SPOCK3: variants seen among roughly 807,000 people sequenced by gnomAD.
SPOCK3 encodes the protein testican-3.
SPOCK3 carries 30 observed loss-of-function variants against 56.6 expected under a neutral mutation model. The observed-to-expected ratio is 0.53, with a 90% CI of 0.40 to 0.72. SPOCK3 has a LOEUF of 0.72. Among genes scored for constraint, SPOCK3 ranks in the 30% least tolerant of loss-of-function variants. SPOCK3 has a pLI of 0.00. For synonymous variants in SPOCK3, 196 were observed against 183.3 expected, an observed-to-expected ratio of 1.07 and a Z score of -0.56; for missense variants, 527 against 530.0, an observed-to-expected ratio of 0.99 and a Z score of 0.06.
At chr4:166,979,683 C>G (rs1392426082) in intron 4 of SPOCK3, among the ~76,000 whole-genome samples, 1 of 152,148 alleles carries the variant, frequency 6.6e-6, no homozygotes, top group South Asian at 2.1e-4. Flanking sequence ...TTTGTAGACT[C>G]TTCCTCAATG....
intron 6 of SPOCK3, among the ~76,000 whole-genome samples, chr4:166,853,152 A>G (rs561879136): frequency 5.9e-5 from 9 of 152,204 alleles, no homozygotes; most frequent in Non-Finnish European, 1.2e-4. Context: ...AATTGTATCC[A>G]TTTAGATATT....
intron 2 of SPOCK3, among the ~76,000 whole-genome samples, chr4:167,094,436 T>G (rs1758970210): frequency 6.6e-6 from 1 of 151,996 alleles, no homozygotes; most frequent in Non-Finnish European, 1.5e-5. Context: ...AAAATGAAAT[T>G]TATTCTGGGT....
chr4:167,093,876 C>A (rs558421079), intron 2 of SPOCK3, among the ~76,000 whole-genome samples: 1 of 152,158 alleles, frequency 6.6e-6, no homozygotes, highest in African/African-American at 2.4e-5. Flanking sequence ...AATATGCAAT[C>A]TTTGGTCTAT....
chr4:166,975,009 G>A lies in SPOCK3; in HGVS notation c.350+25340C>T, dbSNP rs116088665. 8.9e-3 allele frequency among the ~76,000 whole-genome samples: 1,353 copies of A among 152,172 alleles called. 21 individuals carry two copies. Among genetic ancestry groups the A allele is most frequent in the African/African-American group, 0.03 (1,265 of 41,510 alleles). On this transcript the variant is annotated intron_variant, in intron 4 of 10. Transcript: ENST00000357545. Reference sequence around the variant, plus strand: ...ATCATGGGTGTGGGTTAGTTATCATGAGAGTGGGTCTGAGAGTCGGTCTGT... The same window carrying A: ...ATCATGGGTGTGGGTTAGTTATCATAAGAGTGGGTCTGAGAGTCGGTCTGT...
intron 2 of SPOCK3, among the ~76,000 whole-genome samples, chr4:167,178,963 T>C (rs1054508212): frequency 6.6e-6 from 1 of 152,174 alleles, no homozygotes; most frequent in Non-Finnish European, 1.5e-5. Context: ...TTAAATTTGA[T>C]GAAAAACTTT....
At chr4:167,104,935 A>G (rs1759967080) in intron 2 of SPOCK3, among the ~76,000 whole-genome samples, 1 of 152,050 alleles carries the variant, frequency 6.6e-6, no homozygotes, top group African/African-American at 2.4e-5. Context: ...GAGCAGCATG[A>G]CATACTTAAA....
chr4:166,989,149 T>C (rs1024081256), intron 4 of SPOCK3, among the ~76,000 whole-genome samples: 11 of 152,102 alleles, frequency 7.2e-5, no homozygotes, highest in African/African-American at 2.7e-4. Flanking sequence ...CTGTGGGATT[T>C]CAAAGCCTCC....
chr4:167,134,336 G>C (rs1299704672), intron 2 of SPOCK3, among the ~76,000 whole-genome samples: 1 of 151,920 alleles, frequency 6.6e-6, no homozygotes, highest in Non-Finnish European at 1.5e-5. Context: ...CGTGGCGCTT[G>C]ATGACTTGTA....
chr4:167,028,653 T>C (rs1003516836), intron 3 of SPOCK3, among the ~76,000 whole-genome samples: 2 of 152,042 alleles, frequency 1.3e-5, no homozygotes, highest in Non-Finnish European at 2.9e-5. Flanking sequence ...CTTAGTCATA[T>C]GGCCATACTT....
intron 2 of SPOCK3, among the ~76,000 whole-genome samples, chr4:167,117,393 T>C (rs1179803144): frequency 1.3e-5 from 2 of 151,946 alleles, no homozygotes; most frequent in Admixed American, 6.6e-5. Context: ...CTAGGGGCCA[T>C]ATGAGGAAGC....
chr4:167,017,382 T>A (rs951495457), intron 3 of SPOCK3, among the ~76,000 whole-genome samples: 1 of 152,110 alleles, frequency 6.6e-6, no homozygotes, highest in Non-Finnish European at 1.5e-5. Flanking sequence ...CCTCAGTTCC[T>A]ACCCAGCATA....
intron 2 of SPOCK3, among the ~76,000 whole-genome samples, chr4:167,113,373 A>AT (rs35390223): frequency 0.18 from 26,735 of 144,870 alleles, 2,600 homozygotes; most frequent in Admixed American, 0.27. Flanking sequence ...TCTTCTTACA[A>AT]TTTTTTTTTT....
At chr4:167,116,730 C>T (rs1441150477) in intron 2 of SPOCK3, among the ~76,000 whole-genome samples, 1 of 130,108 alleles carries the variant, frequency 7.7e-6, no homozygotes, top group South Asian at 2.3e-4. Flanking sequence ...TGTATATATA[C>T]ACACATATAG....
chr4:167,087,857 T>C (rs1158863499), intron 2 of SPOCK3, among the ~76,000 whole-genome samples: 3 of 152,286 alleles, frequency 2.0e-5, no homozygotes, highest in East Asian at 3.9e-4. Context: ...AATAAAAGCC[T>C]TCTGCCTTTA....
intron 4 of SPOCK3, among the ~76,000 whole-genome samples, chr4:166,942,324 C>G (rs1442277018): frequency 2.6e-5 from 4 of 151,864 alleles, no homozygotes; most frequent in Non-Finnish European, 1.5e-5. Flanking sequence ...GATTTTCCAG[C>G]CTCAGCCTCC....
At chr4:167,154,315 T>C (rs1017396480) in intron 2 of SPOCK3, among the ~76,000 whole-genome samples, 2 of 152,006 alleles carry the variant, frequency 1.3e-5, no homozygotes, top group African/African-American at 4.8e-5. Flanking sequence ...AGAAAAGGGT[T>C]TGAGCAGCTC....
chr4:166,736,487 T>C (rs1482676972), intron 10 of SPOCK3, among the ~76,000 whole-genome samples: 8 of 152,114 alleles, frequency 5.3e-5, no homozygotes, highest in Admixed American at 5.3e-4. Flanking sequence ...AACTAAGCTG[T>C]TAAAAATGTT....
At chr4:167,158,753 T>C (rs538912309) in intron 2 of SPOCK3, among the ~76,000 whole-genome samples, 3 of 152,138 alleles carry the variant, frequency 2.0e-5, no homozygotes, top group Non-Finnish European at 4.4e-5. Flanking sequence ...TCCACACATA[T>C]TATCTAAACT....
intron 2 of SPOCK3, among the ~76,000 whole-genome samples, chr4:167,184,068 T>C (rs1321489963): frequency 1.3e-5 from 2 of 152,206 alleles, no homozygotes; most frequent in Non-Finnish European, 2.9e-5. Context: ...TTGTTAAATG[T>C]ATATACACTG....
Sources: gnomAD v4.1 joint callset for allele counts (sites outside exome capture counted in the v4.1 genomes callset) on GRCh38, gnomAD v4.1.1 for gene constraint, MANE v1.5 for transcripts, NCBI Gene and HGNC (gene_info 2026-07-23, HGNC 2026-07-21) for gene names.